Variants in ERP27 observed in about 807,000 individuals in gnomAD.
ERP27 encodes the protein endoplasmic reticulum resident protein 27.
In ERP27, 23 loss-of-function variants were observed where a neutral mutation model predicts 27.7. The ratio of observed to expected loss-of-function variants is 0.83; its 90% CI spans 0.60 to 1.18. The LOEUF is 1.18. Ranked by LOEUF, ERP27 falls within the 50% of genes most tolerant of loss-of-function variation. ERP27 has a pLI of 0.00. For missense variants in ERP27, 363 were observed against 327.9 expected, an observed-to-expected ratio of 1.11 and a Z score of -0.83; for synonymous variants, 159 against 118.3, an observed-to-expected ratio of 1.34 and a Z score of -2.23.
At position 14,915,432 on chromosome 12, in the gene ERP27, G is replaced by T. The variant is rs564293654; in HGVS notation, c.774+57C>A. The T allele has an allele frequency of 8.8e-4, 1,378 of 1,566,822 alleles. 3 individuals are homozygous for T. Among genetic ancestry groups the T allele is most frequent in the Non-Finnish European group, 1.1e-3 (1,229 of 1,143,688 alleles). ...AGCCCAAAGAATTCTTATTCAACTGGAAATAAAAGGGACATAGAAAGAAAA... is the reference window on the plus strand; with the variant it reads ...AGCCCAAAGAATTCTTATTCAACTGTAAATAAAAGGGACATAGAAAGAAAA... On this transcript the variant is annotated intron_variant, in intron 6 of 6. Coordinates refer to ENST00000266397, the MANE Select transcript of ERP27 (RefSeq NM_152321.4).
chr12:14,926,005 G>C (rs1863596291), intron 3 of ERP27, among the ~76,000 whole-genome samples: 1 of 151,920 alleles, frequency 6.6e-6, no homozygotes, highest in Non-Finnish European at 1.5e-5. Context: ...GGAGGCAGAG[G>C]CTGCAGTGAG....
intron 2 of ERP27, 83 bp from the exon 3 acceptor site, chr12:14,935,076 T>A (rs1260224954): frequency 3.9e-6 from 6 of 1,528,308 alleles, no homozygotes; most frequent in Non-Finnish European, 5.3e-6. Context: ...TATGATATGA[T>A]GTTTACCAGA....
Position 14,914,728 on chromosome 12 carries a change from G to A in ERP27, c.*7C>T, listed in dbSNP as rs370714944. ...GATACTTGGCCATATGTAGTTCCAA[G>A]GAGAAGTCAGAGTTCCACCTTTGGA... On this transcript the variant is annotated 3_prime_UTR_variant, in exon 7 of 7. Coordinates refer to ENST00000266397, the MANE Select transcript of ERP27 (RefSeq NM_152321.4). 2.2e-5 allele frequency: 35 copies of A among 1,612,750 alleles called. No homozygotes were observed. The African/African-American group carries it at 4.5e-4, about 21-fold the overall frequency.
chr12:14,934,080 A>G (rs1360075695), intron 3 of ERP27, among the ~76,000 whole-genome samples: 5 of 152,164 alleles, frequency 3.3e-5, no homozygotes, highest in Non-Finnish European at 5.9e-5. Context: ...TTTCCCCACA[A>G]TACGATTTTA....
intron 3 of ERP27, chr12:14,929,232 T>C: frequency 3.1e-6 from 3 of 953,590 alleles, no homozygotes; most frequent in Non-Finnish European, 4.2e-6. Context: ...TTTCTGGACT[T>C]AAAGAATGCA....
Position 14,914,687 on chromosome 12 carries a change from T to C in ERP27, c.*48A>G. On this transcript the variant is annotated 3_prime_UTR_variant, in exon 7 of 7. Coordinates refer to ENST00000266397, the MANE Select transcript of ERP27 (RefSeq NM_152321.4). ...CTCTGAGATTTGAGTTGTGCCTTTT[T>C]ACTTTGCATAAAGTAGATACTTGGC... The C allele has an allele frequency of 6.4e-7, 1 of 1,565,556 alleles. No homozygotes were observed. The highest frequency in any genetic ancestry group is 8.7e-7 in the Non-Finnish European group (1 of 1,144,726).
rs767687494 is a variant in ERP27 at position 14,934,936 on chromosome 12, C to T, written c.253G>A (p.Val85Met). The T allele has an allele frequency of 8.0e-5, 129 of 1,613,948 alleles. No individual in the cohort carries two copies. The highest frequency in any genetic ancestry group is 4.7e-4 in the East Asian group (21 of 44,896). Residue 85 changes from valine to methionine, a missense_variant, in exon 3 of 7, where the codon GTG becomes ATG. By Grantham distance (21) the Val-to-Met change is conservative. Coordinates refer to ENST00000266397, the MANE Select transcript of ERP27 (RefSeq NM_152321.4). ...LHSMVQKFPG[V>M]SFGISTDSEV... ...GAATCAGTGCTGATCCCAAATGACACGCCTGGGAATTTTTGCACCATGCTA... is the reference window on the plus strand; with the variant it reads ...GAATCAGTGCTGATCCCAAATGACATGCCTGGGAATTTTTGCACCATGCTA...
intron 3 of ERP27, among the ~76,000 whole-genome samples, chr12:14,923,304 C>T (rs1334733368): frequency 6.6e-6 from 1 of 151,992 alleles, no homozygotes; most frequent in African/African-American, 2.4e-5. Context: ...AGGTCTCCAG[C>T]TCACAGGCAG....
At chr12:14,919,393 G>T (rs532213740) in intron 4 of ERP27, among the ~76,000 whole-genome samples, 1 of 152,276 alleles carries the variant, frequency 6.6e-6, no homozygotes, top group Admixed American at 6.5e-5. Context: ...CCCTGCCTTA[G>T]CTAGCTTGCA....
At chr12:14,938,189 G>T in intron 1 of ERP27, 137 bp from the exon 2 acceptor site, 1 of 798,332 alleles carries the variant, frequency 1.3e-6, no homozygotes. Flanking sequence ...GGCATTCCAA[G>T]GCATAATATT....
intron 6 of ERP27, 46 bp from the exon 7 acceptor site, chr12:14,914,828 G>T (rs1250609837): frequency 6.8e-7 from 1 of 1,465,714 alleles, no homozygotes; most frequent in Non-Finnish European, 9.5e-7. Context: ...AAACTGAGCT[G>T]TTTACTCCTG....
chr12:14,928,932 T>C, intron 3 of ERP27: 1 of 1,534,800 alleles, frequency 6.5e-7, no homozygotes, highest in Non-Finnish European at 8.7e-7. Flanking sequence ...AGATACTTAA[T>C]GCTGCTACCG....
At chr12:14,937,050 CTGTT>C (rs571625259) in intron 2 of ERP27, among the ~76,000 whole-genome samples, 5 of 152,260 alleles carry the variant, frequency 3.3e-5, no homozygotes, top group African/African-American at 9.6e-5. Flanking sequence ...CATCTGGCGG[CTGTT>C]TAAGTTATTG....
At chr12:14,924,089 C>T (rs1310750895) in intron 3 of ERP27, among the ~76,000 whole-genome samples, 1 of 152,142 alleles carries the variant, frequency 6.6e-6, no homozygotes, top group Admixed American at 6.6e-5. Context: ...TCTATAGATC[C>T]ATTTTTTAGA....
In ERP27 at chr12:14,935,019, C is replaced by T. The variant is rs748445891; in HGVS notation, c.196-26G>A. 9.3e-6 allele frequency: 15 copies of T among 1,608,992 alleles called. No individual in the cohort carries two copies. The Middle Eastern group carries it at 8.3e-4, about 89-fold the overall frequency. On this transcript the variant is annotated intron_variant, in intron 2 of 6. Transcript: ENST00000266397. The stretch of plus-strand genomic sequence containing the variant: ...CTAAAAACAAGAGAAAAAATAATAC[C>T]ACAGTGGTTATTTCGAAGGGCAGAG...
chr12:14,918,890 T>G (rs927379191), intron 4 of ERP27, among the ~76,000 whole-genome samples: 1 of 152,170 alleles, frequency 6.6e-6, no homozygotes, highest in African/African-American at 2.4e-5. Flanking sequence ...CTACTTAAAT[T>G]TAGAGCATTC....
At chr12:14,931,093 C>T (rs182352843) in intron 3 of ERP27, among the ~76,000 whole-genome samples, 329 of 152,162 alleles carry the variant, frequency 2.2e-3, no homozygotes, top group Non-Finnish European at 3.6e-3. Context: ...ATGCTGGGTA[C>T]GAATCAGACA....
intron 5 of ERP27, among the ~76,000 whole-genome samples, chr12:14,916,012 C>T (rs1019773588): frequency 2.0e-5 from 3 of 146,590 alleles, no homozygotes; most frequent in African/African-American, 7.5e-5. Flanking sequence ...ACACTGTGGT[C>T]TACTTGGGGG....
intron 2 of ERP27, chr12:14,935,264 G>A (rs1863757782): frequency 2.0e-6 from 1 of 506,578 alleles, no homozygotes; most frequent in East Asian, 1.5e-4. Context: ...TTTACTAGGG[G>A]CTGAGAGAGG....
Sources: gnomAD v4.1 joint callset for allele counts (sites outside exome capture counted in the v4.1 genomes callset) on GRCh38, gnomAD v4.1.1 for gene constraint, MANE v1.5 for transcripts, NCBI Gene and HGNC (gene_info 2026-07-23, HGNC 2026-07-21) for gene names.